The following SH3BP1 variants were observed in gnomAD, a reference collection of about 807,000 sequenced individuals.
SH3BP1 encodes SH3 domain-binding protein 1.
Under a neutral mutation model 69.8 loss-of-function variants are expected in SH3BP1, and 46 were observed. That is an observed-to-expected ratio of 0.66 (90% confidence interval 0.52 to 0.84). The LOEUF (loss-of-function observed/expected upper bound fraction) is 0.84. SH3BP1 is among the 40% of genes least tolerant of loss of function. SH3BP1 has a pLI of 0.00. For missense variants in SH3BP1, 868 were observed against 930.9 expected (o/e 0.93, Z 0.88); for synonymous variants, 403 against 378.0 (o/e 1.07, Z -0.77).
chr22:37,646,829 T>G lies in SH3BP1; in HGVS notation c.936T>G (p.Arg312=). 1.3e-6 allele frequency: 2 copies of G among 1,535,766 alleles called. No homozygotes were observed. Among genetic ancestry groups the G allele is most frequent in the Non-Finnish European group, 1.7e-6 (2 of 1,143,374 alleles). ...SEGMKEEGLF[R]LAAGASVLKR... ...CCTCTCGAACCCAGGGTCTCTTCCG[T>G]CTGGCTGCTGGGGCCTCGGTGCTGA... The change falls in exon 11 of 18, where the codon CGT becomes CGG. Residue 312 remains arginine, a synonymous_variant. Coordinates refer to ENST00000649765, the MANE Select transcript of SH3BP1 (RefSeq NM_018957.6).
intron 14 of SH3BP1, chr22:37,649,883 C>T (rs564389797): frequency 3.5e-6 from 2 of 565,638 alleles, no homozygotes; most frequent in South Asian, 1.9e-5. Context: ...TTTCCTCCCA[C>T]GTGCTGATTG....
chr22:37,655,506 GC>G lies in SH3BP1; in HGVS notation c.1931del (p.Pro644ArgfsTer14). 7.5e-7 allele frequency: 1 copy of G among 1,330,566 alleles called. No homozygotes were observed. Among genetic ancestry groups the G allele is most frequent in the Non-Finnish European group, 9.8e-7 (1 of 1,016,406 alleles). The allele number at this position is 1,330,566 out of a possible 1,614,324, so 82.4% of individuals were successfully genotyped here. The stretch of plus-strand genomic sequence containing the variant: ...AGCCGGCGTTCACCAGCCTCCCCCA[GC>G]CCGGCCTCCCCAGGTCCAGCCTCCC... ...RQSRRSPASP[S>X]PASPGPASPS... On this transcript the variant is annotated frameshift_variant, in exon 18 of 18. Transcript: ENST00000649765. LOFTEE classifies it low-confidence loss of function (END_TRUNC).
chr22:37,653,297 A>G (rs1439292265), intron 16 of SH3BP1, among the ~76,000 whole-genome samples: 1 of 152,060 alleles, frequency 6.6e-6, no homozygotes, highest in Non-Finnish European at 1.5e-5. Flanking sequence ...AAATCTGGGC[A>G]TGGTGGTGTG....
intron 6 of SH3BP1, 79 bp downstream of exon 6, chr22:37,643,253 A>G (rs1932676336): frequency 8.0e-7 from 1 of 1,256,112 alleles, no homozygotes; most frequent in South Asian, 1.3e-5. Flanking sequence ...GGCCCTGGCC[A>G]CACCAGGAGG....
At chr22:37,652,100 C>T (rs950588587) in intron 16 of SH3BP1, among the ~76,000 whole-genome samples, 2 of 150,040 alleles carry the variant, frequency 1.3e-5, no homozygotes, top group Non-Finnish European at 3.0e-5. Context: ...CCGAGGCAGG[C>T]GAGATCGAGA....
rs1463182405 is a variant in SH3BP1 at position 37,643,678 on chromosome 22, C to T, written c.508C>T (p.Gln170Ter). ...GGCAACCAAGAATTCAGGCAGCAGTCAAGGCCTAGGAGGCAGCCCGGGTAG... is the reference window on the plus strand; with the variant it reads ...GGCAACCAAGAATTCAGGCAGCAGTTAAGGCCTAGGAGGCAGCCCGGGTAG... ...SQATKNSGSS[Q>*]GLGGSPGSHS... The change falls in exon 7 of 18, where the codon CAA (glutamine) becomes TAA (stop). Residue 170 changes from glutamine to a stop codon, truncating the protein, a stop_gained. Coordinates refer to ENST00000649765, the MANE Select transcript of SH3BP1 (RefSeq NM_018957.6). LOFTEE classifies it high-confidence loss of function. The T allele has an allele frequency of 1.2e-6, 2 of 1,614,052 alleles. No individual in the cohort carries two copies. The highest frequency in any genetic ancestry group is 2.7e-5 in the African/African-American group (2 of 74,936).
chr22:37,644,155 G>A (rs1173844565), intron 7 of SH3BP1, among the ~76,000 whole-genome samples: 3 of 152,186 alleles, frequency 2.0e-5, no homozygotes, highest in Non-Finnish European at 4.4e-5. Context: ...CGAGGCAGGC[G>A]AATCATGAGG....
chr22:37,654,107 C>T (rs1206708486), intron 17 of SH3BP1, among the ~76,000 whole-genome samples: 1 of 152,184 alleles, frequency 6.6e-6, no homozygotes, highest in Non-Finnish European at 1.5e-5. Context: ...TCTGCACTTA[C>T]CTTATGGGGC....
chr22:37,656,024 T>C lies in SH3BP1; in HGVS notation c.*340T>C. The C allele has an allele frequency of 7.0e-7, 1 of 1,420,464 alleles. No individual in the cohort carries two copies. The highest frequency in any genetic ancestry group is 1.1e-5 in the South Asian group (1 of 88,020). 88.0% of individuals were successfully genotyped at this position (1,420,464 alleles called of 1,614,324 possible). A position where few individuals can be genotyped will look rare whatever the true frequency, so the allele number is the denominator to read the frequency against. ...GTTTTTTGTAAGGCTGGTAAATAAA[T>C]TATTTTGGACAAAACTGGAGCAGCT... On this transcript the variant is annotated 3_prime_UTR_variant, in exon 18 of 18. Transcript: ENST00000649765.
intron 10 of SH3BP1, among the ~76,000 whole-genome samples, chr22:37,646,054 T>G (rs548038009): frequency 1.2e-4 from 18 of 145,906 alleles, no homozygotes; most frequent in Admixed American, 1.1e-3. Flanking sequence ...GCAGCCTCTG[T>G]CTCCTGGGTT....
At chr22:37,653,092 A>G (rs1242291193) in intron 16 of SH3BP1, among the ~76,000 whole-genome samples, 2 of 150,824 alleles carry the variant, frequency 1.3e-5, no homozygotes, top group East Asian at 2.0e-4. Flanking sequence ...AGCCAAGATC[A>G]TGCCATCGCA....
intron 16 of SH3BP1, 151 bp downstream of exon 16, chr22:37,650,876 G>A (rs1327367263): frequency 2.8e-6 from 3 of 1,086,170 alleles, no homozygotes; most frequent in African/African-American, 1.6e-5. Context: ...TGGAGAGGGT[G>A]GGGCAGAGAC....
Position 37,644,647 on chromosome 22 carries a change from T to A in SH3BP1, c.629T>A (p.Leu210Ter). ...CTCTCTGTCCCCAAGGACGAGTACTTGGCTGACCTGTACCACTTTGTTACC... is the reference window on the plus strand; with the variant it reads ...CTCTCTGTCCCCAAGGACGAGTACTAGGCTGACCTGTACCACTTTGTTACC... ...RKVEQCRDEY[L>*]ADLYHFVTKE... is the part of the protein sequence containing the mutation. The change falls in exon 8 of 18, where the codon TTG becomes TAG. Residue 210 changes from leucine to a stop codon, truncating the protein, a stop_gained. Transcript: ENST00000649765. LOFTEE classifies it high-confidence loss of function. 1 of 1,614,210 alleles carries A rather than the reference T, an allele frequency of 6.2e-7. No individual in the cohort carries two copies. The highest frequency in any genetic ancestry group is 8.5e-7 in the Non-Finnish European group (1 of 1,180,022).
intron 13 of SH3BP1, 23 bp downstream of exon 13, chr22:37,647,544 A>C (rs1932806716): frequency 6.4e-7 from 1 of 1,571,778 alleles, no homozygotes; most frequent in Non-Finnish European, 8.6e-7. Flanking sequence ...CCGCCTCCCC[A>C]GCCTGCCGCA....
At position 37,655,476 on chromosome 22, in the gene SH3BP1, G is replaced by A. The variant is rs768016525; in HGVS notation, c.1898G>A (p.Arg633His). The change falls in exon 18 of 18, where the codon CGC (arginine) becomes CAC (histidine). Residue 633 changes from arginine to histidine, a missense_variant. Coordinates refer to ENST00000649765, the MANE Select transcript of SH3BP1 (RefSeq NM_018957.6). ...LPPTPPQPAR[R>H]QSRRSPASPS... ...CCCACACCCCCTCAGCCTGCCCGGC[G>A]CCAAAGCCGGCGTTCACCAGCCTCC... 58 of 1,393,724 alleles carry A rather than the reference G, an allele frequency of 4.2e-5. No individual in the cohort carries two copies. The highest frequency in any genetic ancestry group is 4.7e-5 in the Non-Finnish European group (49 of 1,033,426). The allele number at this position is 1,393,724 out of a possible 1,614,324, so 86.3% of individuals were successfully genotyped here.
At chr22:37,642,394 C>A in intron 3 of SH3BP1, 145 bp from the exon 4 acceptor site, 1 of 702,356 alleles carries the variant, frequency 1.4e-6, no homozygotes, top group Non-Finnish European at 2.4e-6. Flanking sequence ...TCACCCCCAC[C>A]ACGCCTTGTC....
intron 16 of SH3BP1, among the ~76,000 whole-genome samples, chr22:37,651,393 G>A (rs563181214): frequency 1.3e-5 from 2 of 150,386 alleles, no homozygotes; most frequent in Non-Finnish European, 3.0e-5. Context: ...GGAGTGCAAT[G>A]GCGAGATCTT....
chr22:37,647,649 T>G, intron 13 of SH3BP1, 128 bp downstream of exon 13: 1 of 549,246 alleles, frequency 1.8e-6, no homozygotes, highest in Non-Finnish European at 2.9e-6. Context: ...AAAATGCAGC[T>G]TTGATGGATT....
intron 3 of SH3BP1, chr22:37,641,794 T>C (rs892452090): frequency 6.1e-6 from 2 of 328,796 alleles, no homozygotes; most frequent in South Asian, 9.3e-5. Flanking sequence ...CTGAAGGAGG[T>C]AGCAATTGAG....
Sources: allele counts gnomAD v4.1 joint callset (sites outside exome capture counted in the v4.1 genomes callset), GRCh38; gene constraint gnomAD v4.1.1; transcripts MANE v1.5; gene names NCBI Gene and HGNC (gene_info 2026-07-23, HGNC 2026-07-21).